Variants in DSCAM observed in about 807,000 individuals in gnomAD.
The protein encoded by DSCAM is DS cell adhesion molecule.
Under a neutral mutation model 217.7 loss-of-function variants are expected in DSCAM, and 47 were observed. That is an observed-to-expected ratio of 0.22 (90% CI 0.17 to 0.28). The LOEUF (loss-of-function observed/expected upper bound fraction) is 0.28, where lower values mean the gene tolerates loss of function less well. Among genes scored for constraint, DSCAM ranks in the 10% least tolerant of loss-of-function variants. The pLI is 1.00. For synonymous variants in DSCAM, 1,056 were observed against 1,015.3 expected (o/e 1.04, Z -0.76); for missense variants, 2,080 against 2,618.3 (o/e 0.79, Z 4.49).
At chr21:40,732,635 G>A (rs528037680) in intron 1 of DSCAM, among the ~76,000 whole-genome samples, 10 of 152,292 alleles carry the variant, frequency 6.6e-5, no homozygotes, top group African/African-American at 2.4e-4. Context: ...AGCATGCTTT[G>A]CAAAATAAGT....
intron 11 of DSCAM, among the ~76,000 whole-genome samples, chr21:40,266,635 T>TTATATATATACA: frequency 1.6e-5 from 1 of 62,628 alleles, no homozygotes. Flanking sequence ...CAAAGATGTT[T>TTATATATATACA]TATATATATA....
At chr21:40,169,358 G>C (rs570500774) in intron 15 of DSCAM, among the ~76,000 whole-genome samples, 1 of 152,284 alleles carries the variant, frequency 6.6e-6, no homozygotes, top group Admixed American at 6.5e-5. Flanking sequence ...ATGGGCTTTG[G>C]AACAAAACAA....
In DSCAM at chr21:40,180,211, T is replaced by G. The variant is rs138626447; in HGVS notation, c.2780-1117A>C. 3.3e-3 allele frequency among the ~76,000 whole-genome samples: 507 copies of G among 152,314 alleles called. 4 individuals carry two copies. Among genetic ancestry groups the G allele is most frequent in the African/African-American group, 0.012 (490 of 41,576 alleles). On this transcript the variant is annotated intron_variant, in intron 14 of 32. Coordinates refer to ENST00000400454, the MANE Select transcript of DSCAM (RefSeq NM_001389.5). Reference sequence around the variant, plus strand: ...TACATGGACCTCTGAGTCTTGGGAATGGGGCCAATCACTTTGTCACACTAA... The same window carrying G: ...TACATGGACCTCTGAGTCTTGGGAAGGGGGCCAATCACTTTGTCACACTAA...
intron 3 of DSCAM, among the ~76,000 whole-genome samples, chr21:40,379,862 T>G (rs987550848): frequency 1.3e-5 from 2 of 152,320 alleles, no homozygotes. Flanking sequence ...TTTAACCTTC[T>G]TTGGAGCCTA....
rs200298125 is a variant in DSCAM, at chr21:40,789,267, TA to T, written c.43+57351del. Among the ~76,000 whole-genome samples the T allele has an allele frequency of 3.7e-3, 538 of 146,248 alleles. 2 individuals are homozygous for T. Among genetic ancestry groups the T allele is most frequent in the East Asian group, 7.9e-3 (39 of 4,940 alleles). On this transcript the variant is annotated intron_variant, in intron 1 of 32. Transcript: ENST00000400454. ...ATAGCCGGAAGAAGACAATCAAGAT[TA>T]AAAAAAAAAAAAATCACACTTTCAG...
intron 15 of DSCAM, among the ~76,000 whole-genome samples, chr21:40,178,406 ATG>A (rs2090756584): frequency 6.6e-6 from 1 of 152,118 alleles, no homozygotes; most frequent in South Asian, 2.1e-4. Context: ...ACTAAATATA[ATG>A]TTGTTTGTAA....
At chr21:40,632,687 T>A (rs1219545611) in intron 3 of DSCAM, among the ~76,000 whole-genome samples, 2 of 151,872 alleles carry the variant, frequency 1.3e-5, no homozygotes, top group African/African-American at 4.8e-5. Context: ...ATGCAAGAGG[T>A]CTCACTCACT....
intron 1 of DSCAM, among the ~76,000 whole-genome samples, chr21:40,828,404 A>G (rs536665035): frequency 6.6e-6 from 1 of 152,048 alleles, no homozygotes; most frequent in Non-Finnish European, 1.5e-5. Context: ...GTGGGACCTG[A>G]GATTAAGGTT....
intron 3 of DSCAM, among the ~76,000 whole-genome samples, chr21:40,502,176 TTCA>T (rs1349819133): frequency 2.6e-5 from 4 of 152,174 alleles, no homozygotes; most frequent in African/African-American, 9.7e-5. Flanking sequence ...GTACTGTGAC[TTCA>T]TCATCAATAA....
intron 3 of DSCAM, among the ~76,000 whole-genome samples, chr21:40,539,115 A>G (rs966100084): frequency 2.6e-5 from 4 of 152,168 alleles, no homozygotes; most frequent in Non-Finnish European, 4.4e-5. Flanking sequence ...AGGGGTCTCC[A>G]TGGGACAAGC....
chr21:40,040,174 CAA>C (rs1421842751), intron 32 of DSCAM, among the ~76,000 whole-genome samples: 1 of 152,166 alleles, frequency 6.6e-6, no homozygotes. Flanking sequence ...GTAGACAAAA[CAA>C]AGTTTGTGGA....
intron 10 of DSCAM, among the ~76,000 whole-genome samples, chr21:40,288,215 A>C (rs1016479961): frequency 6.6e-6 from 1 of 152,212 alleles, no homozygotes; most frequent in African/African-American, 2.4e-5. Context: ...GTAGCTTATA[A>C]AAATTCACTA....
Position 40,181,695 on chromosome 21 carries a change from G to A in DSCAM, c.2780-2601C>T, listed in dbSNP as rs540602933. Among the ~76,000 whole-genome samples the A allele has an allele frequency of 7.3e-5, 11 of 151,588 alleles. No individual in the cohort carries two copies. In the South Asian group the frequency reaches 1.3e-3, roughly 17 times the overall value. On this transcript the variant is annotated intron_variant, in intron 14 of 32. Coordinates refer to ENST00000400454, the MANE Select transcript of DSCAM (RefSeq NM_001389.5). The stretch of plus-strand genomic sequence containing the variant: ...TTTCCGGGCACCTGCTGAAAATCTC[G>A]TATGCCTAGAAGAAGACCTTCTGGC...
intron 32 of DSCAM, among the ~76,000 whole-genome samples, chr21:40,031,853 C>T (rs1032324952): frequency 2.0e-5 from 3 of 152,174 alleles, no homozygotes; most frequent in African/African-American, 7.2e-5. Flanking sequence ...GTCAACCTTC[C>T]TCTGTTTAAC....
At chr21:40,645,021 G>C (rs759450359) in intron 3 of DSCAM, among the ~76,000 whole-genome samples, 4 of 152,114 alleles carry the variant, frequency 2.6e-5, no homozygotes, top group Non-Finnish European at 5.9e-5. Flanking sequence ...TTTTATTCCA[G>C]CTTCAGGTTT....
chr21:40,571,894 A>C (rs2076809337), intron 3 of DSCAM, among the ~76,000 whole-genome samples: 1 of 152,186 alleles, frequency 6.6e-6, no homozygotes, highest in Admixed American at 6.5e-5. Flanking sequence ...CTGGCCCAAA[A>C]TCTGAAGCTT....
chr21:40,026,497 G>A (rs1286879590), intron 32 of DSCAM, among the ~76,000 whole-genome samples: 2 of 138,060 alleles, frequency 1.4e-5, no homozygotes, highest in African/African-American at 2.8e-5. Flanking sequence ...TTATTAATGT[G>A]TGGGAGTCTA....
Position 40,044,179 on chromosome 21 carries a change from G to A in DSCAM, c.5282C>T (p.Ala1761Val). The A allele has an allele frequency of 6.2e-7, 1 of 1,614,212 alleles. No individual in the cohort carries two copies. The highest frequency in any genetic ancestry group is 8.5e-7 in the Non-Finnish European group (1 of 1,180,042). Residue 1761 changes from alanine (A) to valine (V), a missense_variant, in exon 31 of 33, where the codon GCA becomes GTA. By Grantham distance (64) the Ala-to-Val change is moderately conservative. Transcript: ENST00000400454. ...CCTCCAGTCTGTGGTGAGGGTGTGT[G>A]CTGAGATGGTGGGGTGGGGTCGGTT... Reference protein sequence around the residue: ...TLNRPHPTISAHTLTTDWRLP... With the variant: ...TLNRPHPTISVHTLTTDWRLP...
At chr21:40,526,260 C>A (rs147109193) in intron 3 of DSCAM, among the ~76,000 whole-genome samples, 9 of 152,276 alleles carry the variant, frequency 5.9e-5, no homozygotes, top group Middle Eastern at 6.8e-3. Flanking sequence ...GAGCACTTTG[C>A]AGAACTTAGT....
Sources: allele counts gnomAD v4.1 joint callset (sites outside exome capture counted in the v4.1 genomes callset), GRCh38; gene constraint gnomAD v4.1.1; transcripts MANE v1.5; gene names NCBI Gene and HGNC (gene_info 2026-07-23, HGNC 2026-07-21).